The following TM9SF4 variants were observed in gnomAD, a reference collection of about 807,000 sequenced individuals.
TM9SF4 encodes the protein transmembrane 9 superfamily member 4.
Under a neutral mutation model 90.4 loss-of-function variants are expected in TM9SF4, and 26 were observed. The observed-to-expected ratio is 0.29, with a 90% CI of 0.21 to 0.40. TM9SF4 has a LOEUF of 0.40. Among genes scored for constraint, TM9SF4 ranks in the 10% least tolerant of loss-of-function variants. The pLI, the probability that TM9SF4 is intolerant of heterozygous loss-of-function variation, is 1.00. For synonymous variants in TM9SF4, 293 were observed against 315.4 expected, an observed-to-expected ratio of 0.93 and a Z score of 0.75; for missense variants, 549 against 834.8, an observed-to-expected ratio of 0.66 and a Z score of 4.22.
At chr20:32,113,728 T>A (rs1378096062) in intron 1 of TM9SF4, among the ~76,000 whole-genome samples, 1 of 152,186 alleles carries the variant, frequency 6.6e-6, no homozygotes, top group Non-Finnish European at 1.5e-5. Flanking sequence ...TTTAGTGTTT[T>A]TATAGGTTGT....
intron 5 of TM9SF4, among the ~76,000 whole-genome samples, 183 bp downstream of exon 5, chr20:32,142,078 G>T (rs2046689882): frequency 1.3e-5 from 2 of 151,966 alleles, no homozygotes; most frequent in Admixed American, 1.3e-4. Flanking sequence ...GGGAGGTGAA[G>T]CCACAATTCT....
intron 3 of TM9SF4, among the ~76,000 whole-genome samples, chr20:32,139,742 A>G (rs1316387950): frequency 6.6e-6 from 1 of 152,230 alleles, no homozygotes; most frequent in Non-Finnish European, 1.5e-5. Flanking sequence ...AGGCCCCCTG[A>G]GTACTGGCCC....
chr20:32,162,255 G>T (rs2047028749), intron 17 of TM9SF4, among the ~76,000 whole-genome samples: 1 of 152,028 alleles, frequency 6.6e-6, no homozygotes, highest in Non-Finnish European at 1.5e-5. Context: ...AGAGTTGTAG[G>T]TCAGTTGATC....
intron 2 of TM9SF4, among the ~76,000 whole-genome samples, chr20:32,135,650 G>A (rs758964266): frequency 9.9e-5 from 15 of 152,192 alleles, no homozygotes; most frequent in Admixed American, 6.5e-5. Context: ...GCAGAAAGGA[G>A]CAGTAGGTCA....
chr20:32,158,917 G>A (rs970571964), intron 15 of TM9SF4, among the ~76,000 whole-genome samples: 1 of 151,794 alleles, frequency 6.6e-6, no homozygotes, highest in Non-Finnish European at 1.5e-5. Flanking sequence ...GGGAGGTGGA[G>A]GTTGCAGTGA....
chr20:32,111,190 T>G (rs1600764950), intron 1 of TM9SF4, among the ~76,000 whole-genome samples: 1 of 152,212 alleles, frequency 6.6e-6, no homozygotes, highest in East Asian at 1.9e-4. Context: ...TTTCTGTGGT[T>G]TCAGACTTCA....
intron 1 of TM9SF4, among the ~76,000 whole-genome samples, chr20:32,123,278 C>G (rs1489127199): frequency 1.5e-5 from 2 of 134,390 alleles, no homozygotes; most frequent in Non-Finnish European, 3.1e-5. Context: ...GTTGGCAGTA[C>G]TTCAGTAACA....
At chr20:32,150,488 G>A in intron 10 of TM9SF4, 134 bp from the exon 11 acceptor site, 1 of 963,748 alleles carries the variant, frequency 1.0e-6, no homozygotes, top group Non-Finnish European at 1.6e-6. Context: ...GAAGACAAGG[G>A]AGGGGGAGCC....
At chr20:32,150,140 T>A (rs1185286170) in intron 10 of TM9SF4, among the ~76,000 whole-genome samples, 2 of 152,174 alleles carry the variant, frequency 1.3e-5, no homozygotes, top group Non-Finnish European at 2.9e-5. Flanking sequence ...TAATATATAG[T>A]AATTTTAGAC....
intron 1 of TM9SF4, among the ~76,000 whole-genome samples, chr20:32,127,308 C>T (rs557150648): frequency 6.6e-6 from 1 of 152,274 alleles, no homozygotes; most frequent in Middle Eastern, 3.4e-3. Context: ...ACAGTCTCCT[C>T]ATTTGTAATG....
chr20:32,115,978 C>T (rs1036780406), intron 1 of TM9SF4, among the ~76,000 whole-genome samples: 17 of 151,792 alleles, frequency 1.1e-4, no homozygotes, highest in Admixed American at 4.6e-4. Flanking sequence ...TGTGCCACCA[C>T]GCCTGGCTAA....
At chr20:32,163,268 A>AAAAATAAATAT (rs1555886757) in intron 17 of TM9SF4, among the ~76,000 whole-genome samples, 1 of 74,498 alleles carries the variant, frequency 1.3e-5, no homozygotes, top group African/African-American at 5.9e-5. Context: ...AAAAAAAAAA[A>AAAAATAAATAT]ATATATATAT....
intron 3 of TM9SF4, among the ~76,000 whole-genome samples, chr20:32,137,355 G>T (rs2046609488): frequency 6.6e-6 from 1 of 152,188 alleles, no homozygotes; most frequent in Non-Finnish European, 1.5e-5. Flanking sequence ...GAGCTGCTGT[G>T]GACCCTTTGG....
intron 10 of TM9SF4, 80 bp downstream of exon 10, chr20:32,149,846 C>G: frequency 6.4e-7 from 1 of 1,571,464 alleles, no homozygotes; most frequent in Non-Finnish European, 8.6e-7. Context: ...GTGGGCTTCC[C>G]TCCCTGGAGA....
chr20:32,110,390 C>T (rs1433018749), intron 1 of TM9SF4, among the ~76,000 whole-genome samples: 1 of 152,156 alleles, frequency 6.6e-6, no homozygotes, highest in Non-Finnish European at 1.5e-5. Context: ...CCCTGCCCCT[C>T]TCTTAGGGAC....
At chr20:32,140,382 G>T (rs1211998389) in intron 3 of TM9SF4, among the ~76,000 whole-genome samples, 1 of 152,154 alleles carries the variant, frequency 6.6e-6, no homozygotes, top group Non-Finnish European at 1.5e-5. Flanking sequence ...TCAGGTGCTG[G>T]ATTTCACCCC....
chr20:32,127,366 T>C (rs2046437860), intron 1 of TM9SF4, among the ~76,000 whole-genome samples: 3 of 152,204 alleles, frequency 2.0e-5, no homozygotes, highest in Admixed American at 1.3e-4. Context: ...ACTTTCTGGC[T>C]GGATGGGCAA....
chr20:32,165,524 A>C lies in TM9SF4; in HGVS notation c.*80A>C, dbSNP rs1600356340. On this transcript the variant is annotated 3_prime_UTR_variant, in exon 18 of 18. Coordinates refer to ENST00000398022, the MANE Select transcript of TM9SF4 (RefSeq NM_014742.4). ...GTGGGGGACTGCAGGCACGCAAAAT[A>C]AAATAACTCCTGCTCGTTTGGAATG... 6.6e-6 allele frequency: 10 copies of C among 1,525,352 alleles called. No homozygotes were observed. In the East Asian group the frequency reaches 2.3e-4, roughly 35 times the overall value. The allele number at this position is 1,525,352 out of a possible 1,614,324, so 94.5% of individuals were successfully genotyped here. A position where few individuals can be genotyped will look rare whatever the true frequency, so the allele number is the denominator to read the frequency against.
chr20:32,163,293 A>ATATATG (rs1555886776), intron 17 of TM9SF4, among the ~76,000 whole-genome samples: 1 of 56,364 alleles, frequency 1.8e-5, no homozygotes, highest in Non-Finnish European at 3.9e-5. Flanking sequence ...ATATATATAT[A>ATATATG]TATGTATGTA....
Sources: allele counts gnomAD v4.1 joint callset (sites outside exome capture counted in the v4.1 genomes callset), GRCh38; gene constraint gnomAD v4.1.1; transcripts MANE v1.5; gene names NCBI Gene and HGNC (gene_info 2026-07-23, HGNC 2026-07-21).